RBFOX1: variants seen among roughly 807,000 people sequenced by gnomAD.
RBFOX1 encodes the protein RNA binding fox-1 homolog 1, also known as RNA binding protein fox-1 homolog 1.
In RBFOX1, 8 loss-of-function variants were observed where a neutral mutation model predicts 57.7. That is an observed-to-expected ratio of 0.14 (90% CI 0.08 to 0.25). The LOEUF is 0.25. Ranked by LOEUF, RBFOX1 falls within the 10% of genes least tolerant of loss-of-function variation. The pLI is 1.00. For missense variants in RBFOX1, 611 were observed against 548.5 expected (o/e 1.11, Z -1.14); for synonymous variants, 326 against 222.4 (o/e 1.47, Z -4.15).
At chr16:5,801,088 C>T (rs867894721) in intron 3 of RBFOX1, among the ~76,000 whole-genome samples, 12 of 152,076 alleles carry the variant, frequency 7.9e-5, no homozygotes, top group South Asian at 2.1e-4. Flanking sequence ...ATAGGCCCCG[C>T]CCAGAGTGTG....
chr16:6,988,388 T>C (rs2090749793), intron 3 of RBFOX1, among the ~76,000 whole-genome samples: 1 of 152,168 alleles, frequency 6.6e-6, no homozygotes, highest in South Asian at 2.1e-4. Context: ...ATTGAGTGAG[T>C]TAAGATATAT....
At chr16:5,366,852 C>G (rs1567396552) in intron 1 of RBFOX1, among the ~76,000 whole-genome samples, 3 of 152,062 alleles carry the variant, frequency 2.0e-5, no homozygotes, top group Non-Finnish European at 4.4e-5. Flanking sequence ...GTCCAAAATG[C>G]CTGTTTAGTT....
chr16:5,274,412 C>T (rs572667197), intron 1 of RBFOX1, among the ~76,000 whole-genome samples: 57 of 152,226 alleles, frequency 3.7e-4, no homozygotes, highest in Non-Finnish European at 7.1e-4. Context: ...GCCTGTAGTC[C>T]CAGCTACTCT....
At chr16:6,318,830 G>T (rs1476771701) in intron 2 of RBFOX1, among the ~76,000 whole-genome samples, 5 of 151,768 alleles carry the variant, frequency 3.3e-5, no homozygotes, top group African/African-American at 1.2e-4. Context: ...AATCATTTTA[G>T]AAAGGAAGCA....
intron 2 of RBFOX1, among the ~76,000 whole-genome samples, chr16:6,638,444 T>G (rs1427715986): frequency 6.6e-6 from 1 of 152,150 alleles, no homozygotes; most frequent in Non-Finnish European, 1.5e-5. Context: ...CCTTAGAGAT[T>G]GGAAACTCAA....
intron 4 of RBFOX1, among the ~76,000 whole-genome samples, chr16:7,260,899 G>T (rs562882808): frequency 6.6e-6 from 1 of 152,286 alleles, no homozygotes; most frequent in African/African-American, 2.4e-5. Flanking sequence ...TGCAGTCACT[G>T]GGGTTGGACC....
intron 4 of RBFOX1, among the ~76,000 whole-genome samples, chr16:5,868,768 T>C (rs17138775): frequency 0.38 from 57,857 of 151,986 alleles, 11,131 homozygotes; most frequent in Non-Finnish European, 0.41. Flanking sequence ...GAGTGAGTTA[T>C]TAAACAACAC....
chr16:5,257,705 C>T (rs868039339), intron 1 of RBFOX1, among the ~76,000 whole-genome samples: 4 of 152,242 alleles, frequency 2.6e-5, no homozygotes, highest in South Asian at 2.1e-4. Context: ...GCGCATGGGT[C>T]GACTGAGCTG....
At chr16:7,035,194 G>T (rs1030068220) in intron 3 of RBFOX1, among the ~76,000 whole-genome samples, 1 of 151,950 alleles carries the variant, frequency 6.6e-6, no homozygotes, top group Non-Finnish European at 1.5e-5. Flanking sequence ...TGCCAACGCT[G>T]TTGGTCCTCA....
chr16:7,144,190 G>C (rs17142498), intron 4 of RBFOX1, among the ~76,000 whole-genome samples: 11,070 of 152,124 alleles, frequency 0.073, 1,320 homozygotes, highest in African/African-American at 0.25. Flanking sequence ...TAGACGGATA[G>C]ACTCCATTTC....
intron 12 of RBFOX1, among the ~76,000 whole-genome samples, chr16:7,656,783 T>A (rs1168200722): frequency 2.0e-5 from 3 of 152,076 alleles, no homozygotes; most frequent in African/African-American, 7.2e-5. Flanking sequence ...GCCAACAATT[T>A]CAATAAATGT....
At chr16:6,442,285 C>T (rs62015238) in intron 2 of RBFOX1, among the ~76,000 whole-genome samples, 32,943 of 152,078 alleles carry the variant, frequency 0.22, 3,838 homozygotes, top group East Asian at 0.3. Context: ...TGGCCGTGCA[C>T]GGTGGCTCAC....
chr16:5,373,553 C>T (rs748024843), intron 1 of RBFOX1, among the ~76,000 whole-genome samples: 13 of 152,076 alleles, frequency 8.5e-5, no homozygotes, highest in Non-Finnish European at 5.9e-5. Context: ...GAGGCCTCCT[C>T]AGCCGTACTT....
chr16:6,680,280 T>C (rs2058444068), intron 3 of RBFOX1, among the ~76,000 whole-genome samples: 2 of 129,848 alleles, frequency 1.5e-5, no homozygotes, highest in Admixed American at 1.5e-4. Flanking sequence ...CTCTCTTTTT[T>C]TTTTTTTTTT....
At chr16:6,290,830 C>A (rs1363452272) in intron 1 of RBFOX1, among the ~76,000 whole-genome samples, 2 of 152,020 alleles carry the variant, frequency 1.3e-5, no homozygotes, top group African/African-American at 4.8e-5. Context: ...AATCCAGACC[C>A]CTAGAGAGTG....
At chr16:5,909,910 G>T (rs984832481) in intron 4 of RBFOX1, among the ~76,000 whole-genome samples, 4 of 151,958 alleles carry the variant, frequency 2.6e-5, no homozygotes, top group Non-Finnish European at 5.9e-5. Context: ...AAAATTAGCC[G>T]GGTGTGGTGG....
intron 3 of RBFOX1, among the ~76,000 whole-genome samples, chr16:5,813,717 A>G (rs1350841647): frequency 1.3e-5 from 2 of 152,240 alleles, no homozygotes; most frequent in Non-Finnish European, 2.9e-5. Flanking sequence ...AGGAGCTGAT[A>G]TATCATGCTC....
chr16:6,878,252 G>T (rs956416585), intron 3 of RBFOX1, among the ~76,000 whole-genome samples: 2 of 152,180 alleles, frequency 1.3e-5, no homozygotes, highest in African/African-American at 4.8e-5. Flanking sequence ...AGCACTGCTT[G>T]AAGTTCTTGT....
intron 1 of RBFOX1, among the ~76,000 whole-genome samples, chr16:5,394,879 C>T (rs1453178040): frequency 1.3e-5 from 2 of 152,060 alleles, no homozygotes; most frequent in African/African-American, 2.4e-5. Context: ...ATGGCATCTG[C>T]ACTTCATCTC....
Sources: gnomAD v4.1 joint callset for allele counts (sites outside exome capture counted in the v4.1 genomes callset) on GRCh38, gnomAD v4.1.1 for gene constraint, MANE v1.5 for transcripts, NCBI Gene and HGNC (gene_info 2026-07-23, HGNC 2026-07-21) for gene names.